ATP8B4: variants seen among roughly 807,000 people sequenced by gnomAD.
ATP8B4 encodes the protein ATPase phospholipid transporting 8B4 (putative), also known as probable phospholipid-transporting ATPase IM.
A neutral mutation model predicts 145.6 loss-of-function variants in ATP8B4; 133 were observed. That is an observed-to-expected ratio of 0.91 (90% CI 0.79 to 1.05). The LOEUF (loss-of-function observed/expected upper bound fraction) is 1.05. Among genes scored for constraint, ATP8B4 ranks in the 50% least tolerant of loss-of-function variants. The pLI is 0.00. For missense variants in ATP8B4, 1,458 were observed against 1,425.2 expected (o/e 1.02, Z -0.37); for synonymous variants, 507 against 492.9 (o/e 1.03, Z -0.38).
chr15:50,009,904 A>G (rs1253998095), intron 7 of ATP8B4, among the ~76,000 whole-genome samples: 1 of 151,986 alleles, frequency 6.6e-6, no homozygotes, highest in Non-Finnish European at 1.5e-5. Context: ...GAAAGTGTGA[A>G]CTCTTTTGTG....
rs905998902 is a variant in ATP8B4 at position 50,037,282 on chromosome 15, G to A, written c.362+1486C>T. On this transcript the variant is annotated intron_variant, in intron 6 of 27. Transcript: ENST00000284509. Reference sequence around the variant, plus strand: ...ATTAGATGTTCCTTGAGAAAGGAACGTATTAACATCAGATCTAATACACAG... The same window carrying A: ...ATTAGATGTTCCTTGAGAAAGGAACATATTAACATCAGATCTAATACACAG... Among the ~76,000 whole-genome samples the A allele has an allele frequency of 3.9e-5, 6 of 152,294 alleles. No homozygotes were observed. The South Asian group carries it at 1.0e-3, about 26-fold the overall frequency.
chr15:50,081,345 A>C (rs779630914), intron 2 of ATP8B4, among the ~76,000 whole-genome samples: 10 of 152,182 alleles, frequency 6.6e-5, no homozygotes, highest in Non-Finnish European at 1.5e-4. Context: ...CTTTTTTAAA[A>C]AACTGAAAAA....
chr15:49,998,132 T>A (rs2047577823), intron 8 of ATP8B4, among the ~76,000 whole-genome samples: 1 of 152,190 alleles, frequency 6.6e-6, no homozygotes, highest in Admixed American at 6.6e-5. Context: ...TTGAATTACT[T>A]CCTCAGGATC....
intron 1 of ATP8B4, among the ~76,000 whole-genome samples, chr15:50,158,223 G>A (rs1161352332): frequency 1.3e-5 from 2 of 151,520 alleles, no homozygotes; most frequent in Non-Finnish European, 3.0e-5. Flanking sequence ...CCCATCGTCT[G>A]GGATGTGAGG....
chr15:49,998,002 C>A (rs1423297679), intron 8 of ATP8B4, among the ~76,000 whole-genome samples: 19 of 152,120 alleles, frequency 1.2e-4, no homozygotes, highest in Admixed American at 1.2e-3. Context: ...AAAGGGCCAA[C>A]ATGTCCATCC....
intron 2 of ATP8B4, among the ~76,000 whole-genome samples, chr15:50,078,539 G>A (rs1342326702): frequency 5.3e-5 from 8 of 150,848 alleles, no homozygotes; most frequent in African/African-American, 2.0e-4. Context: ...CAAACAGGAG[G>A]AAAATGTGAA....
At chr15:49,968,683 T>C (rs2044789366) in intron 13 of ATP8B4, among the ~76,000 whole-genome samples, 1 of 152,192 alleles carries the variant, frequency 6.6e-6, no homozygotes, top group African/African-American at 2.4e-5. Context: ...TGGGAGACTT[T>C]AACACCTCAT....
chr15:50,040,996 T>C (rs1315081613), intron 5 of ATP8B4, among the ~76,000 whole-genome samples: 6 of 152,166 alleles, frequency 3.9e-5, no homozygotes, highest in South Asian at 4.1e-4. Flanking sequence ...AAGGAAAGAT[T>C]TGAGAAGTTA....
At chr15:50,148,871 C>A (rs527704541) in intron 1 of ATP8B4, among the ~76,000 whole-genome samples, 12 of 152,252 alleles carry the variant, frequency 7.9e-5, no homozygotes, top group African/African-American at 2.9e-4. Context: ...TTACAAAATT[C>A]TCTTGTTTTA....
intron 10 of ATP8B4, among the ~76,000 whole-genome samples, chr15:49,984,772 T>C (rs1407346666): frequency 6.6e-6 from 1 of 151,544 alleles, no homozygotes; most frequent in Admixed American, 6.6e-5. Flanking sequence ...GCAGAAAGAA[T>C]GGTAGAAAAA....
At chr15:49,898,286 G>A in intron 21 of ATP8B4, 35 bp from the exon 22 acceptor site, 6 of 1,579,390 alleles carry the variant, frequency 3.8e-6, no homozygotes, top group East Asian at 2.3e-5. Flanking sequence ...AACAAGAACA[G>A]GAAACAATAA....
intron 1 of ATP8B4, among the ~76,000 whole-genome samples, chr15:50,108,856 T>G (rs1188574886): frequency 6.6e-6 from 1 of 152,224 alleles, no homozygotes; most frequent in South Asian, 2.1e-4. Context: ...CAAGGCTCCA[T>G]AGCTGTATCT....
At chr15:49,926,188 C>T (rs140626588) in intron 16 of ATP8B4, among the ~76,000 whole-genome samples, 47 of 152,218 alleles carry the variant, frequency 3.1e-4, no homozygotes, top group Middle Eastern at 6.8e-3. Context: ...ATCCGACTAC[C>T]AGTTGAAAAT....
chr15:50,111,986 G>C (rs1299132748), intron 1 of ATP8B4, among the ~76,000 whole-genome samples: 1 of 152,120 alleles, frequency 6.6e-6, no homozygotes, highest in African/African-American at 2.4e-5. Flanking sequence ...TGAGCAAATT[G>C]TGAGACCTGG....
chr15:50,158,497 C>A (rs1487356259), intron 1 of ATP8B4, among the ~76,000 whole-genome samples: 2 of 151,458 alleles, frequency 1.3e-5, no homozygotes, highest in Non-Finnish European at 3.0e-5. Context: ...GGGGCGCCTC[C>A]GCCCGGCCAG....
intron 1 of ATP8B4, among the ~76,000 whole-genome samples, chr15:50,168,815 G>A (rs773208618): frequency 1.3e-5 from 2 of 152,160 alleles, no homozygotes; most frequent in African/African-American, 2.4e-5. Context: ...CCCTCCTCCT[G>A]GAAACAGACT....
At chr15:50,100,236 G>A (rs564978375) in intron 2 of ATP8B4, among the ~76,000 whole-genome samples, 1 of 152,088 alleles carries the variant, frequency 6.6e-6, no homozygotes, top group East Asian at 1.9e-4. Flanking sequence ...ATTAAAGGCT[G>A]CAGACGTGAA....
At chr15:50,114,103 C>CTTTTTGTTTTTTTTTTT (rs2057081315) in intron 1 of ATP8B4, among the ~76,000 whole-genome samples, 1 of 55,644 alleles carries the variant, frequency 1.8e-5, no homozygotes, top group Non-Finnish European at 3.1e-5. Flanking sequence ...CTCCTAGTTT[C>CTTTTTGTTTTTTTTTTT]TTTTTTTTTT....
intron 1 of ATP8B4, among the ~76,000 whole-genome samples, chr15:50,132,463 G>A (rs890383419): frequency 3.3e-5 from 5 of 152,170 alleles, no homozygotes; most frequent in South Asian, 2.1e-4. Flanking sequence ...GGAAACAACA[G>A]ACCCTGCAGA....
Sources: allele counts gnomAD v4.1 joint callset (sites outside exome capture counted in the v4.1 genomes callset), GRCh38; gene constraint gnomAD v4.1.1; transcripts MANE v1.5; gene names NCBI Gene and HGNC (gene_info 2026-07-23, HGNC 2026-07-21).